HADHA: variants seen among roughly 807,000 people sequenced by gnomAD.
The protein encoded by HADHA is hydroxyacyl-CoA dehydrogenase trifunctional multienzyme complex subunit alpha.
In HADHA, 59 loss-of-function variants were observed where a neutral mutation model predicts 91.3. That is an observed-to-expected ratio of 0.65 (90% CI 0.52 to 0.80). The LOEUF (loss-of-function observed/expected upper bound fraction) is 0.80, where lower values mean the gene tolerates loss of function less well. Ranked by LOEUF, HADHA falls within the 30% of genes least tolerant of loss-of-function variation. HADHA has a pLI of 0.00. For missense variants in HADHA, 800 were observed against 927.6 expected (o/e 0.86, Z 1.79); for synonymous variants, 320 against 338.9 (o/e 0.94, Z 0.61).
intron 12 of HADHA, among the ~76,000 whole-genome samples, chr2:26,203,450 G>T (rs1669903541): frequency 6.6e-6 from 1 of 152,124 alleles, no homozygotes; most frequent in African/African-American, 2.4e-5. Flanking sequence ...AGAGGCAGGT[G>T]GTGAGGAAGG....
Position 26,194,996 on chromosome 2 carries a change from C to A in HADHA, c.1620+96G>T, listed in dbSNP as rs1669624092. ...GGGGAAAATCATATCAAAGTCTGGT[C>A]ATTTGCCCCAGAATATTTATAAACA... On this transcript the variant is annotated intron_variant, in intron 15 of 19. Coordinates refer to ENST00000380649, the MANE Select transcript of HADHA (RefSeq NM_000182.5). 5 of 1,049,986 alleles carry A rather than the reference C, an allele frequency of 4.8e-6. No individual in the cohort carries two copies. In the Admixed American group the frequency reaches 8.4e-5, roughly 18 times the overall value. 65.0% of individuals were successfully genotyped at this position (1,049,986 alleles called of 1,614,324 possible).
At chr2:26,216,445 C>T (rs1378794613) in intron 7 of HADHA, among the ~76,000 whole-genome samples, 15 of 151,760 alleles carry the variant, frequency 9.9e-5, no homozygotes, top group South Asian at 4.2e-4. Flanking sequence ...CTCAGCCTCC[C>T]GAGTACCTGG....
intron 5 of HADHA, among the ~76,000 whole-genome samples, chr2:26,233,805 GC>G (rs1220649873): frequency 6.6e-6 from 1 of 152,194 alleles, no homozygotes; most frequent in African/African-American, 2.4e-5. Context: ...AGCTATTTAG[GC>G]ACAGTGGCTC....
rs774272303 is a variant in HADHA at position 26,194,645 on chromosome 2, A to G, written c.1621-7T>C. The G allele has an allele frequency of 2.3e-5, 37 of 1,600,518 alleles. No homozygotes were observed. The highest frequency in any genetic ancestry group is 3.7e-4 in the Middle Eastern group (2 of 5,434). On this transcript the variant is annotated splice_region_variant and splice_polypyrimidine_tract_variant and intron_variant, in intron 15 of 19. Coordinates refer to ENST00000380649, the MANE Select transcript of HADHA (RefSeq NM_000182.5). ...TATAGAAGCCAGGTCCATCCTGCCAAGGAAGAGAACATGAGCTCCCTGGCC... is the reference window on the plus strand; with the variant it reads ...TATAGAAGCCAGGTCCATCCTGCCAGGGAAGAGAACATGAGCTCCCTGGCC...
intron 16 of HADHA, among the ~76,000 whole-genome samples, chr2:26,194,321 G>C (rs1167396739): frequency 6.6e-6 from 1 of 152,162 alleles, no homozygotes; most frequent in Non-Finnish European, 1.5e-5. Context: ...GACATGCTGG[G>C]GGGTGGGGTG....
At chr2:26,195,334 GA>G in intron 14 of HADHA, 102 bp from the exon 15 acceptor site, 1 of 1,008,800 alleles carries the variant, frequency 9.9e-7, no homozygotes, top group South Asian at 1.3e-5. Context: ...AGGTGGCTGT[GA>G]TATAGGAATA....
At position 26,241,486 on chromosome 2, in the gene HADHA, A is replaced by C. The variant is rs1194355148; in HGVS notation, c.68-2343T>G. Among the ~76,000 whole-genome samples, 86 of 151,770 alleles carry C rather than the reference A, an allele frequency of 5.7e-4. 1 individual carries two copies. In the South Asian group the frequency reaches 5.8e-3, roughly 10 times the overall value. ...AATACAACAACAACAACAAAAAAAA[A>C]AAAACAAAAAAAAAGTTAGCTGGGC... On this transcript the variant is annotated intron_variant, in intron 1 of 19. Coordinates refer to ENST00000380649, the MANE Select transcript of HADHA (RefSeq NM_000182.5).
At chr2:26,195,003 C>T (rs1156684768) in intron 15 of HADHA, 89 bp downstream of exon 15, 2 of 1,118,234 alleles carry the variant, frequency 1.8e-6, no homozygotes, top group Non-Finnish European at 2.7e-6. Flanking sequence ...GGTCATTTGC[C>T]CCAGAATATT....
Position 26,236,420 on chromosome 2 carries a change from G to GTGTGTGTA in HADHA, c.314+434_314+435insTACACACA, listed in dbSNP as rs553522257. 7.8e-3 allele frequency among the ~76,000 whole-genome samples: 914 copies of GTGTGTGTA among 116,468 alleles called. 6 individuals carry two copies. Among genetic ancestry groups the GTGTGTGTA allele is most frequent in the Middle Eastern group, 0.015 (3 of 198 alleles). 76.4% of individuals were successfully genotyped at this position (116,468 alleles called of 152,430 possible). Reference sequence around the variant, plus strand: ...TGTGTGTGTGTGTGTGTGTGTGTGTGTATATACTTTTTTTTTTTAAGACAG... The same window carrying GTGTGTGTA: ...TGTGTGTGTGTGTGTGTGTGTGTGTGTGTGTGTATATATACTTTTTTTTTTTAAGACAG... On this transcript the variant is annotated intron_variant, in intron 4 of 19. Coordinates refer to ENST00000380649, the MANE Select transcript of HADHA (RefSeq NM_000182.5).
chr2:26,198,750 AGTT>A (rs1669750112), intron 13 of HADHA, among the ~76,000 whole-genome samples: 1 of 152,138 alleles, frequency 6.6e-6, no homozygotes, highest in South Asian at 2.1e-4. Flanking sequence ...CCATGATTTT[AGTT>A]AATCAAGAGT....
intron 7 of HADHA, among the ~76,000 whole-genome samples, chr2:26,219,796 G>A (rs1670330347): frequency 6.6e-6 from 1 of 152,114 alleles, no homozygotes; most frequent in Non-Finnish European, 1.5e-5. Flanking sequence ...GGTTGATCAT[G>A]GTGTCCCTAA....
chr2:26,224,211 A>G (rs1670437080), intron 7 of HADHA, among the ~76,000 whole-genome samples: 2 of 152,194 alleles, frequency 1.3e-5, no homozygotes, highest in South Asian at 4.1e-4. Context: ...TTCCATGGGG[A>G]AAACGGTACT....
intron 14 of HADHA, among the ~76,000 whole-genome samples, chr2:26,196,593 A>G (rs1487377318): frequency 6.6e-6 from 1 of 152,180 alleles, no homozygotes; most frequent in African/African-American, 2.4e-5. Context: ...AGGGTCCTGT[A>G]TCCCTTGCTC....
chr2:26,225,922 A>G (rs1670474372), intron 7 of HADHA, among the ~76,000 whole-genome samples: 1 of 152,186 alleles, frequency 6.6e-6, no homozygotes, highest in African/African-American at 2.4e-5. Context: ...CTTACAGACA[A>G]CATAATTATC....
intron 11 of HADHA, among the ~76,000 whole-genome samples, chr2:26,208,878 T>C (rs1368841406): frequency 2.0e-5 from 3 of 152,244 alleles, no homozygotes; most frequent in Admixed American, 6.5e-5. Context: ...ATCAGCCCTC[T>C]TGGTTAGAAT....
chr2:26,241,561 G>C (rs1670890381), intron 1 of HADHA, among the ~76,000 whole-genome samples: 1 of 152,054 alleles, frequency 6.6e-6, no homozygotes, highest in South Asian at 2.1e-4. Flanking sequence ...TGAGACAGGA[G>C]AATCACTTGA....
At chr2:26,225,876 A>G (rs1307283168) in intron 7 of HADHA, among the ~76,000 whole-genome samples, 2 of 152,182 alleles carry the variant, frequency 1.3e-5, no homozygotes, top group African/African-American at 2.4e-5. Context: ...AACAAATGAC[A>G]TCTATATTGG....
At chr2:26,201,391 G>C in intron 12 of HADHA, 71 bp from the exon 13 acceptor site, 1 of 1,020,048 alleles carries the variant, frequency 9.8e-7, no homozygotes, top group African/African-American at 1.6e-5. Flanking sequence ...CCATGGGCCA[G>C]AGCACACCTG....
rs933800281 is a variant in HADHA at position 26,195,343 on chromosome 2, A to C, written c.1480-111T>G. 6 of 930,476 alleles carry C rather than the reference A, an allele frequency of 6.4e-6. No individual in the cohort carries two copies. The African/African-American group carries it at 8.1e-5, about 13-fold the overall frequency. The allele number at this position is 930,476 out of a possible 1,614,324, so 57.6% of individuals were successfully genotyped here. ...AAAGAAAGGTGGCTGTGATATAGGA[A>C]TACTGCTTGACATAGCTGAGTGGTT... On this transcript the variant is annotated intron_variant, in intron 14 of 19. Transcript: ENST00000380649.
Sources: gnomAD v4.1 joint callset for allele counts (sites outside exome capture counted in the v4.1 genomes callset) on GRCh38, gnomAD v4.1.1 for gene constraint, MANE v1.5 for transcripts, NCBI Gene and HGNC (gene_info 2026-07-23, HGNC 2026-07-21) for gene names.